DHX32: variants seen among roughly 807,000 people sequenced by gnomAD.
DHX32 encodes the protein putative pre-mRNA-splicing factor ATP-dependent RNA helicase DHX32.
A neutral mutation model predicts 70.0 loss-of-function variants in DHX32; 51 were observed. That is an observed-to-expected ratio of 0.73 (90% CI 0.58 to 0.92). DHX32 has a LOEUF of 0.92. DHX32 is among the 40% of genes least tolerant of loss of function. The pLI, the probability that DHX32 is intolerant of heterozygous loss-of-function variation, is 0.00. For missense variants in DHX32, 762 were observed against 891.8 expected (o/e 0.85, Z 1.85); for synonymous variants, 310 against 315.3 (o/e 0.98, Z 0.18).
At chr10:125,843,462 A>G (rs1408322833) in intron 6 of DHX32, among the ~76,000 whole-genome samples, 4 of 152,096 alleles carry the variant, frequency 2.6e-5, no homozygotes, top group Non-Finnish European at 4.4e-5. Flanking sequence ...AATACAAAAA[A>G]TTAGCCGGGC....
At chr10:125,841,547 TAA>T in intron 7 of DHX32, 194 bp downstream of exon 7, 1 of 1,430,124 alleles carries the variant, frequency 7.0e-7, no homozygotes. Context: ...TTAGTTTTCT[TAA>T]GATAATTTTT....
intron 1 of DHX32, among the ~76,000 whole-genome samples, chr10:125,886,905 T>A (rs1462918569): frequency 1.3e-5 from 2 of 152,306 alleles, no homozygotes; most frequent in Non-Finnish European, 2.9e-5. Flanking sequence ...ATGAGGGGAC[T>A]CTTGAACCGT....
chr10:125,857,977 G>A (rs558748078), intron 3 of DHX32, among the ~76,000 whole-genome samples: 1 of 148,634 alleles, frequency 6.7e-6, no homozygotes, highest in African/African-American at 2.5e-5. Flanking sequence ...ATAGCTCACT[G>A]CAGCCTCAAA....
chr10:125,841,419 C>T (rs1854877568), intron 7 of DHX32: 1 of 1,589,778 alleles, frequency 6.3e-7, no homozygotes, highest in Non-Finnish European at 8.6e-7. Flanking sequence ...AGGCACACAA[C>T]ATTATTTGGG....
chr10:125,895,592 G>A (rs1944464644), intron 1 of DHX32, among the ~76,000 whole-genome samples: 2 of 152,244 alleles, frequency 1.3e-5, no homozygotes. Context: ...AGCAAACCCT[G>A]AATCACTGTG....
intron 4 of DHX32, chr10:125,852,993 A>G (rs1944111045): frequency 1.5e-6 from 1 of 684,914 alleles, no homozygotes; most frequent in Admixed American, 2.6e-5. Context: ...TGATAGTGCC[A>G]TGTTTCTTTA....
chr10:125,860,019 T>C lies in DHX32; in HGVS notation c.477-44A>G, dbSNP rs527345110. The stretch of plus-strand genomic sequence containing the variant: ...AAAGTTAGAATATTCTTATGCTAAC[T>C]CATGCAAAAAACTTCCTAACAAGAA... On this transcript the variant is annotated intron_variant, in intron 2 of 10. Coordinates refer to ENST00000284690, the MANE Select transcript of DHX32 (RefSeq NM_018180.3). The C allele has an allele frequency of 3.9e-4, 562 of 1,443,928 alleles. 3 individuals are homozygous for C. The East Asian group carries it at 0.011, about 27-fold the overall frequency. The allele number at this position is 1,443,928 out of a possible 1,614,324, so 89.4% of individuals were successfully genotyped here. A position where few individuals can be genotyped will look rare whatever the true frequency, so the allele number is the denominator to read the frequency against.
intron 1 of DHX32, among the ~76,000 whole-genome samples, chr10:125,891,773 C>T (rs1944372519): frequency 6.6e-6 from 1 of 152,306 alleles, no homozygotes; most frequent in Non-Finnish European, 1.5e-5. Flanking sequence ...AGTAGGTACT[C>T]TTCCATTAAT....
rs778520434 is a variant in DHX32, at chr10:125,841,793, C to T, written c.1493G>A (p.Cys498Tyr). ...CACTTCATCTACACAGTCAAATTCA[C>T]AGGACGCTAAGATAGACTTCGAGAG... The part of the protein sequence containing the change: ...PQLSKSILAS[C>Y]EFDCVDEVLT... The change falls in exon 7 of 11, where the codon TGT becomes TAT. Residue 498 changes from cysteine (C) to tyrosine (Y), a missense_variant. By Grantham distance (194) the Cys-to-Tyr change is radical. Coordinates refer to ENST00000284690, the MANE Select transcript of DHX32 (RefSeq NM_018180.3). 4 of 1,613,130 alleles carry T rather than the reference C, an allele frequency of 2.5e-6. No homozygotes were observed. The highest frequency in any genetic ancestry group is 2.7e-5 in the African/African-American group (2 of 74,904).
chr10:125,888,717 A>T (rs7100788), intron 1 of DHX32, among the ~76,000 whole-genome samples: 3,514 of 152,078 alleles, frequency 0.023, 3 homozygotes, highest in African/African-American at 0.079. Flanking sequence ...TAATAAAGCA[A>T]ACTCTGAACT....
rs1205814319 is a variant in DHX32 at position 125,841,935 on chromosome 10, C to T, written c.1352-1G>A. The T allele has an allele frequency of 1.3e-6, 2 of 1,579,164 alleles. No homozygotes were observed. The highest frequency in any genetic ancestry group is 1.7e-6 in the Non-Finnish European group (2 of 1,169,324). The stretch of plus-strand genomic sequence containing the variant: ...AATGCCTGCATCAAACTTTCTGGTG[C>T]TAGGAAAGGAAAAAAATAATAATTT... On this transcript the variant is annotated splice_acceptor_variant, in intron 6 of 10. Coordinates refer to ENST00000284690, the MANE Select transcript of DHX32 (RefSeq NM_018180.3). LOFTEE classifies it high-confidence loss of function.
At chr10:125,883,162 A>G (rs1944327623), upstream of DHX32, among the ~76,000 whole-genome samples, 1 of 152,188 alleles carries the variant, frequency 6.6e-6, no homozygotes, top group African/African-American at 2.4e-5. Flanking sequence ...TTTTCTGAAT[A>G]GTCTTCTTTC....
intron 8 of DHX32, 67 bp from the exon 9 acceptor site, chr10:125,839,255 G>C: frequency 6.6e-7 from 1 of 1,520,880 alleles, no homozygotes; most frequent in Non-Finnish European, 9.0e-7. Context: ...GCCCAGGCCA[G>C]GCAGTTGCCA....
chr10:125,883,767 T>C (rs7080617), upstream of DHX32, among the ~76,000 whole-genome samples: 2,929 of 152,338 alleles, frequency 0.019, 105 homozygotes, highest in African/African-American at 0.066. Context: ...AACTTTTTCA[T>C]TGTGACTCAA....
At chr10:125,872,293 CT>C (rs1327831507) in intron 1 of DHX32, among the ~76,000 whole-genome samples, 1 of 152,170 alleles carries the variant, frequency 6.6e-6, no homozygotes, top group Non-Finnish European at 1.5e-5. Flanking sequence ...ATATTCCCCC[CT>C]AGTATTAAAA....
At chr10:125,892,404 C>T (rs1391215002) in intron 1 of DHX32, among the ~76,000 whole-genome samples, 1 of 152,384 alleles carries the variant, frequency 6.6e-6, no homozygotes, top group African/African-American at 2.4e-5. Context: ...AGTCACTGAC[C>T]CAAATCCTCC....
At chr10:125,876,748 G>T (rs1944285947) in intron 1 of DHX32, among the ~76,000 whole-genome samples, 1 of 152,156 alleles carries the variant, frequency 6.6e-6, no homozygotes, top group African/African-American at 2.4e-5. Context: ...GGGGAGTTGT[G>T]TCAGATTAAA....
intron 10 of DHX32, 69 bp downstream of exon 10, chr10:125,838,137 A>G: frequency 6.9e-7 from 1 of 1,444,594 alleles, no homozygotes; most frequent in Non-Finnish European, 9.2e-7. Flanking sequence ...TAAAAGCCAA[A>G]TTTGTCATTT....
chr10:125,867,083 A>G lies in DHX32; in HGVS notation c.383T>C (p.Leu128Pro). 1 of 1,614,216 alleles carries G rather than the reference A, an allele frequency of 6.2e-7. No homozygotes were observed. Residue 128 changes from leucine (L) to proline (P), a missense_variant, in exon 2 of 11, where the codon CTG (leucine) becomes CCG (proline). This residue lies in a region of DHX32 where 394 missense variants were observed against 473.1 expected (regional missense o/e 0.83). Coordinates refer to ENST00000284690, the MANE Select transcript of DHX32 (RefSeq NM_018180.3). ...AACATCCATTTCATCCGCCACCCGC[A>G]GGGCGAGCTGGACCACAGTCTGCTT... ...VHKQTVVQLA[L>P]RVADEMDVNI...
Sources: allele counts gnomAD v4.1 joint callset (sites outside exome capture counted in the v4.1 genomes callset), GRCh38; gene constraint gnomAD v4.1.1; regional missense constraint gnomAD v4.1.1; transcripts MANE v1.5; gene names NCBI Gene and HGNC (gene_info 2026-07-23, HGNC 2026-07-21).